The following GNA14 variants were observed in gnomAD, a reference collection of about 807,000 sequenced individuals.
The protein encoded by GNA14 is guanine nucleotide-binding protein subunit alpha-14.
GNA14 carries 50 observed loss-of-function variants against 42.0 expected under a neutral mutation model. The ratio of observed to expected loss-of-function variants is 1.19; its 90% CI spans 0.95 to 1.51. GNA14 has a LOEUF of 1.51. Ranked by LOEUF, GNA14 falls within the 40% of genes most tolerant of loss-of-function variation. The pLI is 0.00. For missense variants in GNA14, 473 were observed against 446.2 expected (o/e 1.06, Z -0.54); for synonymous variants, 173 against 163.1 (o/e 1.06, Z -0.46).
chr9:77,476,774 A>G (rs1587785973), intron 2 of GNA14, among the ~76,000 whole-genome samples: 1 of 152,238 alleles, frequency 6.6e-6, no homozygotes, highest in East Asian at 1.9e-4. Flanking sequence ...CATAGCACTT[A>G]ACAGGAGAGA....
chr9:77,454,527 GA>G (rs1028642861), intron 2 of GNA14, among the ~76,000 whole-genome samples: 9 of 152,000 alleles, frequency 5.9e-5, no homozygotes, highest in Non-Finnish European at 7.4e-5. Context: ...TGGGGACGGG[GA>G]AAAGGAACAG....
intron 2 of GNA14, among the ~76,000 whole-genome samples, chr9:77,490,940 C>T (rs575248706): frequency 2.6e-5 from 4 of 152,186 alleles, no homozygotes; most frequent in Non-Finnish European, 5.9e-5. Flanking sequence ...CACGCTGTCA[C>T]GTCTCACAAG....
At chr9:77,512,075 GCCCCCACTGT>G (rs974070095) in intron 2 of GNA14, among the ~76,000 whole-genome samples, 10 of 151,732 alleles carry the variant, frequency 6.6e-5, no homozygotes, top group African/African-American at 1.7e-4. Context: ...TGCCTGCTTG[GCCCCCACTGT>G]CCCCCACTGT....
intron 1 of GNA14, among the ~76,000 whole-genome samples, chr9:77,562,083 C>T (rs1210732981): frequency 1.3e-5 from 2 of 152,162 alleles, no homozygotes; most frequent in African/African-American, 4.8e-5. Flanking sequence ...ATCACTTTCA[C>T]ACATCTTAAC....
Position 77,434,079 on chromosome 9 carries a change from G to A in GNA14, c.464+289C>T, listed in dbSNP as rs116282366. Among the ~76,000 whole-genome samples the A allele has an allele frequency of 7.1e-3, 1,081 of 152,304 alleles. 6 individuals are homozygous for A. Among genetic ancestry groups the A allele is most frequent in the African/African-American group, 0.011 (438 of 41,562 alleles). On this transcript the variant is annotated intron_variant, in intron 3 of 6. Transcript: ENST00000341700. ...TCCTAAGGAGATCAGTCCCACTTAAGGGACCTCAGATTTGATTTGAGTCTC... is the reference window on the plus strand; with the variant it reads ...TCCTAAGGAGATCAGTCCCACTTAAAGGACCTCAGATTTGATTTGAGTCTC...
intron 2 of GNA14, among the ~76,000 whole-genome samples, chr9:77,506,281 C>CT (rs1837067207): frequency 1.5e-5 from 2 of 133,862 alleles, no homozygotes; most frequent in African/African-American, 5.7e-5. Flanking sequence ...GACCCTGTCT[C>CT]TTAAAAAAAA....
chr9:77,535,193 C>T (rs1380650642), intron 1 of GNA14, among the ~76,000 whole-genome samples: 1 of 152,246 alleles, frequency 6.6e-6, no homozygotes, highest in Non-Finnish European at 1.5e-5. Flanking sequence ...GCTACCCATG[C>T]AGCAGGAGTT....
intron 2 of GNA14, among the ~76,000 whole-genome samples, chr9:77,467,925 C>CAGGTCA (rs993526569): frequency 9.9e-5 from 15 of 152,270 alleles, no homozygotes; most frequent in Middle Eastern, 3.4e-3. Context: ...TCAGGGGCCC[C>CAGGTCA]AGATTTGTCT....
intron 2 of GNA14, among the ~76,000 whole-genome samples, chr9:77,472,383 C>A (rs553778689): frequency 1.2e-4 from 18 of 152,032 alleles, no homozygotes; most frequent in Non-Finnish European, 2.5e-4. Flanking sequence ...CATTTCTGAG[C>A]CCTCATCTTC....
chr9:77,536,736 T>G (rs1483125235), intron 1 of GNA14, among the ~76,000 whole-genome samples: 1 of 152,224 alleles, frequency 6.6e-6, no homozygotes, highest in Non-Finnish European at 1.5e-5. Flanking sequence ...TCCTGCTACT[T>G]TCTATCATCT....
At chr9:77,520,758 T>C (rs1837344288) in intron 2 of GNA14, among the ~76,000 whole-genome samples, 1 of 152,198 alleles carries the variant, frequency 6.6e-6, no homozygotes, top group African/African-American at 2.4e-5. Flanking sequence ...AGTGTTCAAA[T>C]AGAATGATGG....
intron 1 of GNA14, among the ~76,000 whole-genome samples, chr9:77,540,255 T>G (rs964291993): frequency 2.0e-5 from 3 of 152,192 alleles, no homozygotes; most frequent in African/African-American, 7.2e-5. Flanking sequence ...GTATGTTGTT[T>G]AATTTCCATG....
chr9:77,474,900 G>A (rs1836392424), intron 2 of GNA14, among the ~76,000 whole-genome samples: 1 of 151,978 alleles, frequency 6.6e-6, no homozygotes. Context: ...AGTCACGAAT[G>A]GCCACATATT....
chr9:77,486,999 C>G (rs753456551), intron 2 of GNA14, among the ~76,000 whole-genome samples: 1 of 144,624 alleles, frequency 6.9e-6, no homozygotes, highest in Non-Finnish European at 1.5e-5. Context: ...TGTAGTGTTA[C>G]CACAAACCTT....
intron 1 of GNA14, among the ~76,000 whole-genome samples, chr9:77,548,222 G>A (rs1240215270): frequency 6.6e-6 from 1 of 152,148 alleles, no homozygotes; most frequent in Non-Finnish European, 1.5e-5. Context: ...AATGCTTGAT[G>A]TTCTTTGCTT....
In GNA14 at chr9:77,460,479, T is replaced by G. The variant is rs557253298; in HGVS notation, c.310-25957A>C. On this transcript the variant is annotated intron_variant, in intron 2 of 6. Coordinates refer to ENST00000341700, the MANE Select transcript of GNA14 (RefSeq NM_004297.4). ...CTCTGAGAGAATAAAGTTCTGTTGTTCTAAGCCACTCAGTTTGTTAAGACA... is the reference window on the plus strand; with the variant it reads ...CTCTGAGAGAATAAAGTTCTGTTGTGCTAAGCCACTCAGTTTGTTAAGACA... Among the ~76,000 whole-genome samples the G allele has an allele frequency of 7.7e-4, 117 of 152,308 alleles. 1 individual carries two copies. Among genetic ancestry groups the G allele is most frequent in the African/African-American group, 2.5e-3 (105 of 41,568 alleles).
intron 1 of GNA14, among the ~76,000 whole-genome samples, chr9:77,539,088 T>C (rs1837630207): frequency 1.3e-5 from 2 of 152,334 alleles, no homozygotes; most frequent in African/African-American, 2.4e-5. Flanking sequence ...TCTTGTTCCA[T>C]ACCTTAGAAG....
chr9:77,558,427 A>G (rs1310865063), intron 1 of GNA14, among the ~76,000 whole-genome samples: 1 of 152,200 alleles, frequency 6.6e-6, no homozygotes, highest in African/African-American at 2.4e-5. Flanking sequence ...TCATAATAAT[A>G]TACATACATT....
intron 2 of GNA14, among the ~76,000 whole-genome samples, chr9:77,488,341 C>T (rs771365803): frequency 2.6e-5 from 4 of 152,118 alleles, no homozygotes; most frequent in Non-Finnish European, 5.9e-5. Context: ...TAACTAGCCT[C>T]CCCACCTTCT....
Sources: gnomAD v4.1 joint callset for allele counts (sites outside exome capture counted in the v4.1 genomes callset) on GRCh38, gnomAD v4.1.1 for gene constraint, MANE v1.5 for transcripts, NCBI Gene and HGNC (gene_info 2026-07-23, HGNC 2026-07-21) for gene names.